MAP2: variants seen among roughly 807,000 people sequenced by gnomAD.
MAP2 encodes the protein microtubule-associated protein 2.
Under a neutral mutation model 137.6 loss-of-function variants are expected in MAP2, and 14 were observed. The observed-to-expected ratio is 0.10, with a 90% CI of 0.07 to 0.16. The LOEUF is 0.16. MAP2 is among the 10% of genes least tolerant of loss of function. The pLI is 1.00. For synonymous variants in MAP2, 786 were observed against 782.3 expected, an observed-to-expected ratio of 1.00 and a Z score of -0.08; for missense variants, 2,088 against 2,191.5, an observed-to-expected ratio of 0.95 and a Z score of 0.94.
intron 1 of MAP2, among the ~76,000 whole-genome samples, chr2:209,490,291 A>T (rs1212522407): frequency 6.6e-6 from 1 of 152,148 alleles, no homozygotes; most frequent in Non-Finnish European, 1.5e-5. Context: ...TAAATGTAGC[A>T]AGGAAAAACC....
At chr2:209,728,657 C>G (rs6723367) in intron 14 of MAP2, among the ~76,000 whole-genome samples, 1 of 152,196 alleles carries the variant, frequency 6.6e-6, no homozygotes, top group Non-Finnish European at 1.5e-5. Context: ...CCTCTTTCGT[C>G]TACAGAGATA....
At chr2:209,621,327 C>T (rs1435388324) in intron 3 of MAP2, among the ~76,000 whole-genome samples, 4 of 143,100 alleles carry the variant, frequency 2.8e-5, no homozygotes, top group South Asian at 4.9e-4. Context: ...GGCACGATCT[C>T]GGCTCACTGC....
At chr2:209,538,004 A>G (rs1258383232) in intron 2 of MAP2, among the ~76,000 whole-genome samples, 13 of 152,194 alleles carry the variant, frequency 8.5e-5, no homozygotes, top group Admixed American at 7.9e-4. Context: ...AGATTAAGTA[A>G]CTTGCCCAGA....
intron 5 of MAP2, among the ~76,000 whole-genome samples, chr2:209,663,564 G>A (rs913653131): frequency 1.3e-5 from 2 of 152,138 alleles, no homozygotes; most frequent in African/African-American, 2.4e-5. Flanking sequence ...TGCAAATGCT[G>A]GGTGGTTATT....
At chr2:209,593,932 T>C (rs1245779115) in intron 3 of MAP2, among the ~76,000 whole-genome samples, 1 of 117,098 alleles carries the variant, frequency 8.5e-6, no homozygotes, top group African/African-American at 3.2e-5. Context: ...TTAAAATATA[T>C]AAATATATAT....
intron 1 of MAP2, among the ~76,000 whole-genome samples, chr2:209,472,245 A>G (rs767043930): frequency 6.6e-6 from 1 of 152,194 alleles, no homozygotes; most frequent in Non-Finnish European, 1.5e-5. Context: ...CTGGGATGTT[A>G]TTACTGATGG....
At chr2:209,646,968 G>A (rs1212526999) in intron 4 of MAP2, among the ~76,000 whole-genome samples, 1 of 152,132 alleles carries the variant, frequency 6.6e-6, no homozygotes, top group African/African-American at 2.4e-5. Context: ...AAGAGGTTCA[G>A]TTGCCTCATG....
chr2:209,695,694 G>T lies in MAP2; in HGVS notation c.3524G>T (p.Cys1175Phe). Residue 1175 changes from cysteine to phenylalanine, a missense_variant, in exon 8 of 16, where the codon TGC becomes TTC. By Grantham distance (205) the Cys-to-Phe change is radical. Around this residue, in one of 6 missense-constraint regions of MAP2, gnomAD observed 591 missense variants for 642.6 expected, o/e 0.92. Coordinates refer to ENST00000682079, the MANE Select transcript of MAP2 (RefSeq NM_001375505.1). ...GTCAAATTGTCAGTGGAAATACCTT[G>T]CCCACCTGCTGTTTCAGAGGCTGAT... ...IAVKLSVEIP[C>F]PPAVSEADLA... The T allele has an allele frequency of 6.2e-7, 1 of 1,614,078 alleles. No individual in the cohort carries two copies. Among genetic ancestry groups the T allele is most frequent in the South Asian group, 1.1e-5 (1 of 91,062 alleles).
chr2:209,458,644 C>G (rs1250767178), intron 1 of MAP2, among the ~76,000 whole-genome samples: 1 of 152,120 alleles, frequency 6.6e-6, no homozygotes, highest in East Asian at 1.9e-4. Context: ...TTTGGATTTT[C>G]TCCAGCATCT....
At chr2:209,607,130 A>G (rs908515819) in intron 3 of MAP2, among the ~76,000 whole-genome samples, 6 of 152,228 alleles carry the variant, frequency 3.9e-5, no homozygotes, top group African/African-American at 1.4e-4. Context: ...TTCCAAGTAG[A>G]TGGCATTCTA....
intron 1 of MAP2, among the ~76,000 whole-genome samples, chr2:209,493,813 G>A (rs1245446797): frequency 6.6e-6 from 1 of 152,164 alleles, no homozygotes; most frequent in African/African-American, 2.4e-5. Flanking sequence ...AGAGAAATAG[G>A]AATGCTTTTA....
At chr2:209,651,186 C>T (rs1223199688) in intron 4 of MAP2, among the ~76,000 whole-genome samples, 1 of 152,132 alleles carries the variant, frequency 6.6e-6, no homozygotes, top group Non-Finnish European at 1.5e-5. Context: ...GAGTGTAGAA[C>T]ACTGCAGAAT....
chr2:209,477,657 T>C (rs1182198882), intron 1 of MAP2, among the ~76,000 whole-genome samples: 1 of 152,130 alleles, frequency 6.6e-6, no homozygotes, highest in Non-Finnish European at 1.5e-5. Flanking sequence ...GCATCCCTTC[T>C]AACATTTTTC....
At chr2:209,711,354 A>G (rs2065394531) in intron 13 of MAP2, among the ~76,000 whole-genome samples, 1 of 152,156 alleles carries the variant, frequency 6.6e-6, no homozygotes, top group South Asian at 2.1e-4. Flanking sequence ...CAATGAAGCA[A>G]CAATTCAGTG....
chr2:209,678,909 G>C (rs1432385194), intron 6 of MAP2, among the ~76,000 whole-genome samples: 1 of 152,036 alleles, frequency 6.6e-6, no homozygotes, highest in African/African-American at 2.4e-5. Flanking sequence ...CTTACAGTTA[G>C]ACTTTTCCCT....
chr2:209,439,176 T>C (rs1170762157), intron 1 of MAP2, among the ~76,000 whole-genome samples: 1 of 151,478 alleles, frequency 6.6e-6, no homozygotes, highest in Non-Finnish European at 1.5e-5. Flanking sequence ...CATATGGTGA[T>C]TGCTTTGTAT....
intron 5 of MAP2, among the ~76,000 whole-genome samples, chr2:209,657,454 T>C (rs1227565205): frequency 6.6e-6 from 1 of 152,250 alleles, no homozygotes; most frequent in Non-Finnish European, 1.5e-5. Context: ...CTTTTGACTT[T>C]TTAATAATGG....
chr2:209,727,963 A>G (rs932036551), intron 14 of MAP2, among the ~76,000 whole-genome samples: 1 of 152,072 alleles, frequency 6.6e-6, no homozygotes, highest in African/African-American at 2.4e-5. Flanking sequence ...GTCCATCTCT[A>G]CAAAAAAATT....
At chr2:209,571,728 T>C (rs1448828581) in intron 2 of MAP2, among the ~76,000 whole-genome samples, 1 of 152,050 alleles carries the variant, frequency 6.6e-6, no homozygotes, top group African/African-American at 2.4e-5. Flanking sequence ...AGTAAAAGTA[T>C]GTGAGAAGAC....
Sources: allele counts gnomAD v4.1 joint callset (sites outside exome capture counted in the v4.1 genomes callset), GRCh38; gene constraint gnomAD v4.1.1; regional missense constraint gnomAD v4.1.1; transcripts MANE v1.5; gene names NCBI Gene and HGNC (gene_info 2026-07-23, HGNC 2026-07-21).